CSGALNACT1: variants seen among roughly 807,000 people sequenced by gnomAD.
The protein encoded by CSGALNACT1 is chondroitin sulfate N-acetylgalactosaminyltransferase 1.
In CSGALNACT1, 52 loss-of-function variants were observed where a neutral mutation model predicts 51.0. The ratio of observed to expected loss-of-function variants is 1.02; its 90% CI spans 0.82 to 1.29. CSGALNACT1 has a LOEUF of 1.29. CSGALNACT1 is among the 50% of genes most tolerant of loss of function. The pLI, the probability that CSGALNACT1 is intolerant of heterozygous loss-of-function variation, is 0.00. For missense variants in CSGALNACT1, 935 were observed against 679.2 expected (o/e 1.38, Z -4.19); for synonymous variants, 341 against 254.4 (o/e 1.34, Z -3.24).
intron 4 of CSGALNACT1, among the ~76,000 whole-genome samples, chr8:19,475,012 TA>T (rs1480847325): frequency 6.6e-6 from 1 of 151,834 alleles, no homozygotes; most frequent in African/African-American, 2.4e-5. Context: ...TGAGCAGCTA[TA>T]ACACCGTGGT....
chr8:19,549,930 G>A (rs1247026061), intron 3 of CSGALNACT1, among the ~76,000 whole-genome samples: 2 of 151,898 alleles, frequency 1.3e-5, no homozygotes, highest in African/African-American at 2.4e-5. Flanking sequence ...CTTTGTATGC[G>A]ACCTACCTTT....
rs1216352110 is a variant in CSGALNACT1 at position 19,698,162 on chromosome 8, C to A, written c.-297+59688G>T. On this transcript the variant is annotated intron_variant, in intron 1 of 1. Transcript: ENST00000517494. ...AGTCCCATGAGGTCCCCTTGATATG[C>A]TCTTCATACAGATTTTTAAAAAATA... Among the ~76,000 whole-genome samples, 3 of 152,154 alleles carry A rather than the reference C, an allele frequency of 2.0e-5. No homozygotes were observed. The East Asian group carries it at 5.8e-4, about 29-fold the overall frequency.
At chr8:19,507,404 A>C (rs1030863026) in intron 3 of CSGALNACT1, among the ~76,000 whole-genome samples, 2 of 151,524 alleles carry the variant, frequency 1.3e-5, no homozygotes, top group African/African-American at 4.9e-5. Flanking sequence ...TGCCTTCTCC[A>C]TTTCCCCCTG....
In CSGALNACT1 at chr8:19,658,196, C is replaced by T. The variant is rs887803337; in HGVS notation, c.-544+24277G>A. On this transcript the variant is annotated intron_variant, in intron 1 of 9. Transcript: ENST00000332246. ...GTGTGCCCTTATAACAGAATTAGTG[C>T]CCTTATAAAGCAAAGGCCATGTGCA... Among the ~76,000 whole-genome samples, 4 of 151,548 alleles carry T rather than the reference C, an allele frequency of 2.6e-5. No individual in the cohort carries two copies. The East Asian group carries it at 5.8e-4, about 22-fold the overall frequency.
chr8:19,551,158 A>G (rs2087961923), intron 3 of CSGALNACT1, among the ~76,000 whole-genome samples: 1 of 152,254 alleles, frequency 6.6e-6, no homozygotes, highest in East Asian at 1.9e-4. Context: ...AGAAGAAAAG[A>G]GTATGTTACA....
intron 3 of CSGALNACT1, among the ~76,000 whole-genome samples, chr8:19,589,093 C>T (rs528395873): frequency 6.6e-6 from 1 of 152,252 alleles, no homozygotes; most frequent in Admixed American, 6.5e-5. Context: ...GTGGTCCTTT[C>T]CCATATGCCA....
chr8:19,621,662 T>A (rs2053842049), intron 1 of CSGALNACT1, among the ~76,000 whole-genome samples: 2 of 151,946 alleles, frequency 1.3e-5, no homozygotes, highest in Non-Finnish European at 2.9e-5. Flanking sequence ...GCACCTGCAG[T>A]CCCAGCTACT....
intron 1 of CSGALNACT1, among the ~76,000 whole-genome samples, chr8:19,712,456 C>T (rs2062568043): frequency 1.3e-5 from 2 of 152,126 alleles, no homozygotes; most frequent in African/African-American, 4.8e-5. Context: ...AATATAATGG[C>T]AGCATTTTAA....
chr8:19,493,588 T>C (rs950889639), intron 4 of CSGALNACT1, among the ~76,000 whole-genome samples: 18 of 152,240 alleles, frequency 1.2e-4, no homozygotes, highest in African/African-American at 4.1e-4. Context: ...CATGGAATTA[T>C]AGGACATGTA....
At chr8:19,532,172 A>T (rs2082899112) in intron 3 of CSGALNACT1, among the ~76,000 whole-genome samples, 1 of 49,576 alleles carries the variant, frequency 2.0e-5, no homozygotes, top group Non-Finnish European at 3.8e-5. Flanking sequence ...TTTGGAAATT[A>T]AAAAAAAAAA....
intron 1 of CSGALNACT1, among the ~76,000 whole-genome samples, chr8:19,700,982 G>A (rs922576646): frequency 6.6e-6 from 1 of 152,018 alleles, no homozygotes; most frequent in Non-Finnish European, 1.5e-5. Context: ...GTCCTTAGGT[G>A]GGGTTTGCAG....
chr8:19,683,444 G>T (rs1320430626), upstream of CSGALNACT1, among the ~76,000 whole-genome samples: 1 of 152,188 alleles, frequency 6.6e-6, no homozygotes, highest in Non-Finnish European at 1.5e-5. Context: ...ATTACTAAGA[G>T]TTTGGTAAGG....
Position 19,643,656 on chromosome 8 carries a change from T to C in CSGALNACT1, c.-544+38817A>G, listed in dbSNP as rs531886603. 8.5e-4 allele frequency among the ~76,000 whole-genome samples: 126 copies of C among 149,106 alleles called. 1 individual carries two copies. The Middle Eastern group carries it at 0.014, about 17-fold the overall frequency. On this transcript the variant is annotated intron_variant, in intron 1 of 9. Transcript: ENST00000332246. Reference sequence around the variant, plus strand: ...CCATCTTAAAAAAAAAAAAAAAGTGTGGAAAGTTTCTTTAAAGTAGTGAAA... The same window carrying C: ...CCATCTTAAAAAAAAAAAAAAAGTGCGGAAAGTTTCTTTAAAGTAGTGAAA...
At chr8:19,449,573 T>A (rs1325383841) in intron 5 of CSGALNACT1, among the ~76,000 whole-genome samples, 2 of 152,160 alleles carry the variant, frequency 1.3e-5, no homozygotes, top group East Asian at 3.9e-4. Flanking sequence ...TCCTGAAATT[T>A]TCAGAACCAC....
At chr8:19,587,408 G>C (rs919885848) in intron 3 of CSGALNACT1, among the ~76,000 whole-genome samples, 1 of 152,216 alleles carries the variant, frequency 6.6e-6, no homozygotes, top group Non-Finnish European at 1.5e-5. Flanking sequence ...CCTAAGTTGA[G>C]AAATGTCATG....
upstream of CSGALNACT1, among the ~76,000 whole-genome samples, chr8:19,684,388 A>C: frequency 6.6e-6 from 1 of 152,222 alleles, no homozygotes; most frequent in Non-Finnish European, 1.5e-5. Context: ...GCTCCCAAAC[A>C]TTCACCATAT....
At chr8:19,610,108 G>A (rs1455054155) in intron 1 of CSGALNACT1, among the ~76,000 whole-genome samples, 2 of 151,310 alleles carry the variant, frequency 1.3e-5, no homozygotes, top group East Asian at 1.9e-4. Flanking sequence ...TGTAACCCCA[G>A]CTAAAACCCC....
chr8:19,588,081 C>T (rs2047031497), intron 3 of CSGALNACT1: 1 of 152,094 alleles, frequency 6.6e-6, no homozygotes, highest in East Asian at 1.9e-4. Context: ...GTCCCAGCTA[C>T]TTGGGAGACT....
At chr8:19,470,738 A>C (rs1430182974) in intron 4 of CSGALNACT1, among the ~76,000 whole-genome samples, 1 of 152,160 alleles carries the variant, frequency 6.6e-6, no homozygotes, top group African/African-American at 2.4e-5. Context: ...CACACCCGTT[A>C]ACATCAAAAT....
Sources: allele counts gnomAD v4.1 joint callset (sites outside exome capture counted in the v4.1 genomes callset), GRCh38; gene constraint gnomAD v4.1.1; transcripts MANE v1.5; gene names NCBI Gene and HGNC (gene_info 2026-07-23, HGNC 2026-07-21).